RUFY2: variants seen among roughly 807,000 people sequenced by gnomAD.
The protein encoded by RUFY2 is RUN and FYVE domain containing 2.
In RUFY2, 49 loss-of-function variants were observed where a neutral mutation model predicts 94.4. The ratio of observed to expected loss-of-function variants is 0.52; its 90% confidence interval spans 0.41 to 0.66. The LOEUF (loss-of-function observed/expected upper bound fraction) is 0.66, where lower values mean the gene tolerates loss of function less well. RUFY2 is among the 30% of genes least tolerant of loss of function. The pLI, the probability that RUFY2 is intolerant of heterozygous loss-of-function variation, is 0.00. For missense variants in RUFY2, 541 were observed against 692.8 expected, an observed-to-expected ratio of 0.78 and a Z score of 2.46; for synonymous variants, 255 against 235.7, an observed-to-expected ratio of 1.08 and a Z score of -0.75.
At chr10:68,367,062 G>C (rs550569553) in intron 13 of RUFY2, among the ~76,000 whole-genome samples, 1 of 151,480 alleles carries the variant, frequency 6.6e-6, no homozygotes, top group African/African-American at 2.4e-5. Flanking sequence ...CATCTACTCG[G>C]GAGGCTGAGG....
At chr10:68,379,704 T>A (rs1589897391) in intron 11 of RUFY2, among the ~76,000 whole-genome samples, 183 bp from the exon 12 acceptor site, 1 of 152,024 alleles carries the variant, frequency 6.6e-6, no homozygotes, top group African/African-American at 2.4e-5. Context: ...TTAACCTGAG[T>A]ATTTATAAGT....
At chr10:68,404,460 C>T (rs1179630702) in intron 2 of RUFY2, among the ~76,000 whole-genome samples, 4 of 152,074 alleles carry the variant, frequency 2.6e-5, no homozygotes, top group South Asian at 2.1e-4. Context: ...ATTCTGTTTA[C>T]AAAATATTAA....
At chr10:68,363,941 A>T in intron 14 of RUFY2, 43 bp downstream of exon 14, 1 of 1,415,364 alleles carries the variant, frequency 7.1e-7, no homozygotes, top group Non-Finnish European at 9.8e-7. Context: ...AAATAAGTTA[A>T]CATTTGTCAA....
At chr10:68,371,592 A>G (rs1364131849) in intron 13 of RUFY2, among the ~76,000 whole-genome samples, 2 of 122,734 alleles carry the variant, frequency 1.6e-5, no homozygotes, top group African/African-American at 2.5e-5. Context: ...CTCCGCCTCA[A>G]AAAAAAAAAA....
chr10:68,353,542 G>A (rs1477304511), intron 16 of RUFY2, among the ~76,000 whole-genome samples: 3 of 151,758 alleles, frequency 2.0e-5, no homozygotes, highest in African/African-American at 7.3e-5. Flanking sequence ...GCTCATGCTT[G>A]TAATCCCAGC....
intron 12 of RUFY2, chr10:68,377,874 A>T (rs2048775792): frequency 6.1e-6 from 6 of 985,336 alleles, no homozygotes; most frequent in Non-Finnish European, 7.2e-6. Flanking sequence ...TTAAAACCAT[A>T]CCAATGGAGC....
At chr10:68,380,862 A>C (rs1228589006) in intron 11 of RUFY2, among the ~76,000 whole-genome samples, 1 of 151,344 alleles carries the variant, frequency 6.6e-6, no homozygotes, top group Non-Finnish European at 1.5e-5. Context: ...ACTCCATCTC[A>C]AAAAAAAACA....
Position 68,376,936 on chromosome 10 carries a change from T to C in RUFY2, c.1242A>G (p.Glu414=). The C allele has an allele frequency of 6.2e-7, 1 of 1,613,776 alleles. No homozygotes were observed. The highest frequency in any genetic ancestry group is 8.5e-7 in the Non-Finnish European group (1 of 1,179,898). The part of the protein sequence containing the change: ...QQAEKAQMEA[E]DEDEKYLQEC... ...CTTGTAGATATTTCTCATCCTCATC[T>C]TCAGCTTCCATTTGCGCCTTCTCTG... The change falls in exon 13 of 18, where the codon GAA becomes GAG. Residue 414 remains glutamate, a synonymous_variant. Coordinates refer to ENST00000602465, the MANE Select transcript of RUFY2 (RefSeq NM_001330103.2).
At chr10:68,376,440 G>GTCTA in intron 13 of RUFY2, among the ~76,000 whole-genome samples, 1 of 48,266 alleles carries the variant, frequency 2.1e-5, no homozygotes, top group East Asian at 9.8e-4. Flanking sequence ...AAAAAAATGT[G>GTCTA]TGTATATATA....
intron 7 of RUFY2, among the ~76,000 whole-genome samples, chr10:68,392,277 C>T (rs1257345625): frequency 6.6e-6 from 1 of 152,028 alleles, no homozygotes; most frequent in Non-Finnish European, 1.5e-5. Context: ...AGGTGATCCA[C>T]CCGCCTCGGC....
chr10:68,388,625 C>T (rs1414320343), intron 7 of RUFY2, among the ~76,000 whole-genome samples: 1 of 151,908 alleles, frequency 6.6e-6, no homozygotes, highest in African/African-American at 2.4e-5. Context: ...TGGCCTAGCT[C>T]AGAAGTTTGA....
chr10:68,406,901 C>T, intron 1 of RUFY2: 1 of 1,577,424 alleles, frequency 6.3e-7, no homozygotes, highest in Non-Finnish European at 8.6e-7. Flanking sequence ...GGAGTGACAC[C>T]CTGCCTGGCC....
intron 16 of RUFY2, among the ~76,000 whole-genome samples, chr10:68,353,395 G>C (rs2046831740): frequency 6.6e-6 from 1 of 151,308 alleles, no homozygotes; most frequent in African/African-American, 2.4e-5. Context: ...CTACTGGGGA[G>C]CCTGAGGCAG....
chr10:68,393,100 C>T (rs758541938), intron 7 of RUFY2, 38 bp downstream of exon 7: 2 of 1,203,374 alleles, frequency 1.7e-6, no homozygotes, highest in Non-Finnish European at 2.4e-6. Context: ...AAACCTAAGA[C>T]AATATTCATA....
In RUFY2 at chr10:68,403,703, C is replaced by T. The variant is rs1395573238; in HGVS notation, c.178+968G>A. ...AAAGAAATGAGTATGCTAATAACAT[C>T]ACACAGGATTTCTCAAATTTTGATG... On this transcript the variant is annotated intron_variant, in intron 2 of 17. Coordinates refer to ENST00000602465, the MANE Select transcript of RUFY2 (RefSeq NM_001330103.2). 2.6e-5 allele frequency among the ~76,000 whole-genome samples: 4 copies of T among 151,988 alleles called. No individual in the cohort carries two copies. The East Asian group carries it at 7.7e-4, about 29-fold the overall frequency.
Position 68,379,565 on chromosome 10 carries a change from G to A in RUFY2, c.1108-44C>T, listed in dbSNP as rs1484564015. 5.2e-6 allele frequency: 7 copies of A among 1,346,492 alleles called. No homozygotes were observed. In the Admixed American group the frequency reaches 5.4e-5, roughly 10 times the overall value. The allele number at this position is 1,346,492 out of a possible 1,614,324, so 83.4% of individuals were successfully genotyped here. A position where few individuals can be genotyped will look rare whatever the true frequency, so the allele number is the denominator to read the frequency against. On this transcript the variant is annotated intron_variant, in intron 11 of 17. Transcript: ENST00000602465. ...GCTATGGTGGTTTTGATTTGTGTGT[G>A]TGTGTTTGTGTGTGTGTGTGTGTGC...
chr10:68,400,522 A>G (rs529646577), intron 3 of RUFY2, among the ~76,000 whole-genome samples: 1 of 150,342 alleles, frequency 6.7e-6, no homozygotes, highest in Non-Finnish European at 1.5e-5. Flanking sequence ...TAAAAATACA[A>G]AAAATCAGCC....
chr10:68,399,913 C>G (rs1298723875), intron 3 of RUFY2, among the ~76,000 whole-genome samples: 6 of 152,122 alleles, frequency 3.9e-5, no homozygotes, highest in Non-Finnish European at 1.5e-5. Context: ...TCCCAAGTAG[C>G]TGGGATTACA....
chr10:68,358,868 G>A (rs548249214), intron 15 of RUFY2, among the ~76,000 whole-genome samples: 15 of 152,102 alleles, frequency 9.9e-5, no homozygotes, highest in East Asian at 3.9e-4. Flanking sequence ...CCAAGATCAC[G>A]CCACTGCACT....
Sources: allele counts gnomAD v4.1 joint callset (sites outside exome capture counted in the v4.1 genomes callset), GRCh38; gene constraint gnomAD v4.1.1; transcripts MANE v1.5; gene names NCBI Gene and HGNC (gene_info 2026-07-23, HGNC 2026-07-21).